Variants in CHRM4 observed in about 807,000 individuals in gnomAD.
CHRM4 encodes cholinergic receptor muscarinic 4, also known as muscarinic acetylcholine receptor M4.
CHRM4 carries 5 observed loss-of-function variants against 26.3 expected under a neutral mutation model. That is an observed-to-expected ratio of 0.19 (90% confidence interval 0.10 to 0.40). The LOEUF (loss-of-function observed/expected upper bound fraction) is 0.40, where lower values mean the gene tolerates loss of function less well. CHRM4 is among the 10% of genes least tolerant of loss of function. The probability of loss-of-function intolerance (pLI) is 1.00; values close to 1 mark genes in which losing one functional copy is unlikely to be tolerated. For missense variants in CHRM4, 402 were observed against 664.5 expected (o/e 0.60, Z 4.34); for synonymous variants, 290 against 285.3 (o/e 1.02, Z -0.16).
chr11:46,387,327 G>A (rs1162370590), intron 1 of CHRM4, among the ~76,000 whole-genome samples: 3 of 152,184 alleles, frequency 2.0e-5, no homozygotes. Context: ...GTAGAGACAG[G>A]GTCTTGGTAT....
chr11:46,384,912 C>T lies in CHRM4; in HGVS notation c.*206G>A. The T allele has an allele frequency of 2.3e-6, 1 of 433,298 alleles. No homozygotes were observed. The highest frequency in any genetic ancestry group is 3.1e-6 in the Non-Finnish European group (1 of 325,268). 26.8% of individuals were successfully genotyped at this position (433,298 alleles called of 1,614,324 possible). Reference sequence around the variant, plus strand: ...GCCACAGAGGTGGGCCAGGCAGCCCCAGTTCAGACACTCCCTGGGGTGAGC... The same window carrying T: ...GCCACAGAGGTGGGCCAGGCAGCCCTAGTTCAGACACTCCCTGGGGTGAGC... On this transcript the variant is annotated 3_prime_UTR_variant, in exon 2 of 2. Coordinates refer to ENST00000682254, the MANE Select transcript of CHRM4 (RefSeq NM_000741.5).
chr11:46,386,987 G>GA lies in CHRM4; in HGVS notation c.-29-402dup, dbSNP rs1273761042. Among the ~76,000 whole-genome samples the GA allele has an allele frequency of 8.4e-5, 12 of 143,668 alleles. No individual in the cohort carries two copies. The highest frequency in any genetic ancestry group is 2.1e-4 in the South Asian group (1 of 4,682). 94.3% of individuals were successfully genotyped at this position (143,668 alleles called of 152,430 possible). On this transcript the variant is annotated intron_variant, in intron 1 of 1. Transcript: ENST00000682254. This position sits in a 1 kb window ranked among gnomAD's most constrained non-coding sequence, Gnocchi z 5.8. ...AGCCAGCCACAGGAGGAGCTGTGGA[G>GA]AGTGGCCCTGCCAGGGGCAGTAGCC...
rs771630567 is a variant in CHRM4 at position 46,384,789 on chromosome 11, C to T, written c.*329G>A. Among the ~76,000 whole-genome samples the T allele has an allele frequency of 4.3e-4, 65 of 152,256 alleles. No individual in the cohort carries two copies. Among genetic ancestry groups the T allele is most frequent in the Admixed American group, 9.8e-4 (15 of 15,288 alleles). On this transcript the variant is annotated 3_prime_UTR_variant, in exon 2 of 2. Coordinates refer to ENST00000682254, the MANE Select transcript of CHRM4 (RefSeq NM_000741.5). ...TTCCTGAGGGGGCCCTGGGCTTCGGCCCCCATCCAGATGTCCATTCTTCCA... is the reference window on the plus strand; with the variant it reads ...TTCCTGAGGGGGCCCTGGGCTTCGGTCCCCATCCAGATGTCCATTCTTCCA...
In CHRM4 at chr11:46,385,877, G is replaced by A. The variant is rs1945334951; in HGVS notation, c.681C>T (p.His227=). The A allele has an allele frequency of 1.2e-6, 2 of 1,610,280 alleles. No homozygotes were observed. Among genetic ancestry groups the A allele is most frequent in the Middle Eastern group, 1.7e-4 (1 of 6,060 alleles). Residue 227 remains histidine, a synonymous_variant, in exon 2 of 2, where the codon CAC becomes CAT. Coordinates refer to ENST00000682254, the MANE Select transcript of CHRM4 (RefSeq NM_000741.5). The surrounding 1 kb of genome is among the most constrained non-coding windows in gnomAD (Gnocchi z 6.3). The part of the protein sequence containing the change: ...HISLASRSRV[H]KHRPEGPKEK... ...CCTTCGGGCCCTCGGGCCGGTGCTT[G>A]TGGACTCGGCTGCGACTGGCCAGGG... is the stretch of plus-strand genomic sequence containing the variant.
At position 46,384,113 on chromosome 11, in the gene CHRM4, C is replaced by T. The variant is rs778379098; in HGVS notation, c.*1005G>A. 2.4e-4 allele frequency among the ~76,000 whole-genome samples: 36 copies of T among 152,224 alleles called. No individual in the cohort carries two copies. The highest frequency in any genetic ancestry group is 4.6e-4 in the Non-Finnish European group (31 of 68,050). On this transcript the variant is annotated 3_prime_UTR_variant, in exon 2 of 2. Coordinates refer to ENST00000682254, the MANE Select transcript of CHRM4 (RefSeq NM_000741.5). Reference sequence around the variant, plus strand: ...AACCACCACACCCATCTCAGCCTCACCCAGTCAAAGGTCTTTTGATACAAC... The same window carrying T: ...AACCACCACACCCATCTCAGCCTCATCCAGTCAAAGGTCTTTTGATACAAC...
At position 46,385,834 on chromosome 11, in the gene CHRM4, G is replaced by A. The variant is rs749143505; in HGVS notation, c.724C>T (p.Leu242=). 10 of 1,602,710 alleles carry A rather than the reference G, an allele frequency of 6.2e-6. No individual in the cohort carries two copies. Among genetic ancestry groups the A allele is most frequent in the African/African-American group, 1.3e-5 (1 of 74,724 alleles). Residue 242 remains leucine (L), a synonymous_variant, in exon 2 of 2, where the codon CTG becomes TTG. Transcript: ENST00000682254. This position sits in a 1 kb window ranked among gnomAD's most constrained non-coding sequence, Gnocchi z 6.3. The part of the protein sequence containing the change: ...EGPKEKKAKT[L]AFLKSPLMKQ... ...ATTAGTGGGCTCTTGAGGAAGGCCA[G>A]CGTCTTGGCTTTCTTCTCCTTCGGG...
At chr11:46,388,416 C>T (rs903110814) in intron 1 of CHRM4, among the ~76,000 whole-genome samples, 2 of 152,352 alleles carry the variant, frequency 1.3e-5, no homozygotes, top group East Asian at 3.9e-4. Context: ...TAAACTTGAT[C>T]TCTATACATA....
chr11:46,388,206 G>A (rs1305865203), intron 1 of CHRM4, among the ~76,000 whole-genome samples: 2 of 152,198 alleles, frequency 1.3e-5, no homozygotes, highest in African/African-American at 4.8e-5. Flanking sequence ...GGTCGGATAC[G>A]CAGTTCTGTG....
At chr11:46,388,255 C>G (rs1200738100) in intron 1 of CHRM4, among the ~76,000 whole-genome samples, 1 of 152,230 alleles carries the variant, frequency 6.6e-6, no homozygotes, top group Non-Finnish European at 1.5e-5. Context: ...CGGCAGCCGG[C>G]TGTGGAGGAA....
chr11:46,384,975 G>A lies in CHRM4; in HGVS notation c.*143C>T. 1 of 1,276,696 alleles carries A rather than the reference G, an allele frequency of 7.8e-7. No homozygotes were observed. Among genetic ancestry groups the A allele is most frequent in the Admixed American group, 2.6e-5 (1 of 37,814 alleles). The allele number at this position is 1,276,696 out of a possible 1,614,324, so 79.1% of individuals were successfully genotyped here. A position where few individuals can be genotyped will look rare whatever the true frequency, so the allele number is the denominator to read the frequency against. Reference sequence around the variant, plus strand: ...AGCAGAGATCTGGTCTCTGAATGCAGCCACAGAGCCTCTTCTGAACTTCCT... The same window carrying A: ...AGCAGAGATCTGGTCTCTGAATGCAACCACAGAGCCTCTTCTGAACTTCCT... On this transcript the variant is annotated 3_prime_UTR_variant, in exon 2 of 2. Transcript: ENST00000682254.
intron 1 of CHRM4, among the ~76,000 whole-genome samples, chr11:46,390,007 G>A (rs1945377610): frequency 6.6e-6 from 1 of 152,216 alleles, no homozygotes; most frequent in Non-Finnish European, 1.5e-5. Context: ...GCGTGCCTAG[G>A]GTGCTGTGGC....
Position 46,383,835 on chromosome 11 carries a change from C to T in CHRM4, c.*1283G>A. The T allele has an allele frequency of 2.6e-6, 1 of 390,704 alleles. No homozygotes were observed. The highest frequency in any genetic ancestry group is 4.9e-6 in the Non-Finnish European group (1 of 202,750). 24.2% of individuals were successfully genotyped at this position (390,704 alleles called of 1,614,324 possible). A position where few individuals can be genotyped will look rare whatever the true frequency, so the allele number is the denominator to read the frequency against. On this transcript the variant is annotated 3_prime_UTR_variant, in exon 2 of 2. Transcript: ENST00000682254. ...CTTCTTTTTTAATATATAAAAGCCC[C>T]TTCCCAAGGAGTTTGCTGTGGAAAT... is the stretch of plus-strand genomic sequence containing the variant.
chr11:46,386,681 T>C lies in CHRM4; in HGVS notation c.-29-95A>G. The C allele has an allele frequency of 8.1e-7, 1 of 1,230,224 alleles. No individual in the cohort carries two copies. The highest frequency in any genetic ancestry group is 1.1e-6 in the Non-Finnish European group (1 of 884,842). The allele number at this position is 1,230,224 out of a possible 1,614,324, so 76.2% of individuals were successfully genotyped here. A position where few individuals can be genotyped will look rare whatever the true frequency, so the allele number is the denominator to read the frequency against. ...GATTCAAGGTGACAGAGGGACATTC[T>C]CTGGCAGAATGCCTTGAGAGAACTC... On this transcript the variant is annotated intron_variant, in intron 1 of 1. Coordinates refer to ENST00000682254, the MANE Select transcript of CHRM4 (RefSeq NM_000741.5). This position sits in a 1 kb window ranked among gnomAD's most constrained non-coding sequence, Gnocchi z 5.8.
In CHRM4 at chr11:46,386,021, C is replaced by T. The variant is rs202091776; in HGVS notation, c.537G>A (p.Thr179=). ...GGATGAAGCACTGGTTGTCGGGCAC[C>T]GTCCGCTTACCCACCACAAACTGCC... ...LFWQFVVGKR[T]VPDNQCFIQF... The change falls in exon 2 of 2, where the codon ACG becomes ACA. Residue 179 remains threonine (T), a synonymous_variant. Coordinates refer to ENST00000682254, the MANE Select transcript of CHRM4 (RefSeq NM_000741.5). The surrounding 1 kb of genome is among the most constrained non-coding windows in gnomAD (Gnocchi z 5.8). The T allele has an allele frequency of 2.7e-5, 44 of 1,613,134 alleles. No homozygotes were observed. In the East Asian group the frequency reaches 6.0e-4, roughly 22 times the overall value.
Position 46,385,760 on chromosome 11 carries a change from C to T in CHRM4, c.798G>A (p.Glu266=). Residue 266 remains glutamate, a synonymous_variant, in exon 2 of 2, where the codon GAG becomes GAA. Coordinates refer to ENST00000682254, the MANE Select transcript of CHRM4 (RefSeq NM_000741.5). This position sits in a 1 kb window ranked among gnomAD's most constrained non-coding sequence, Gnocchi z 6.3. The part of the protein sequence containing the change: ...KPPPGEAARE[E]LRNGKLEEAP... ...CCTCCTCCAGCTTGCCATTGCGCAG[C>T]TCCTCCCGGGCGGCCTCCCCGGGCG... The T allele has an allele frequency of 6.3e-7, 1 of 1,597,376 alleles. No homozygotes were observed. The highest frequency in any genetic ancestry group is 8.5e-7 in the Non-Finnish European group (1 of 1,171,570).
intron 1 of CHRM4, among the ~76,000 whole-genome samples, chr11:46,390,557 C>T (rs1040839112): frequency 6.6e-6 from 1 of 152,262 alleles, no homozygotes; most frequent in Non-Finnish European, 1.5e-5. Context: ...TCCTTCTCTC[C>T]TCACCCTGCA....
chr11:46,385,499 A>G lies in CHRM4; in HGVS notation c.1059T>C (p.Cys353=). ...QIVTKQTGNE[C]VTAIEIVPAT... is the part of the protein sequence containing the mutation. ...CAGGCACAATCTCAATGGCTGTCACACACTCATTGCCTGTCTGCTTCGTCA... is the reference window on the plus strand; with the variant it reads ...CAGGCACAATCTCAATGGCTGTCACGCACTCATTGCCTGTCTGCTTCGTCA... The change falls in exon 2 of 2, where the codon TGT becomes TGC. Residue 353 remains cysteine (C), a synonymous_variant. Coordinates refer to ENST00000682254, the MANE Select transcript of CHRM4 (RefSeq NM_000741.5). The surrounding 1 kb of genome is among the most constrained non-coding windows in gnomAD (Gnocchi z 6.3). The G allele has an allele frequency of 6.3e-7, 1 of 1,594,540 alleles. No homozygotes were observed. The highest frequency in any genetic ancestry group is 8.6e-7 in the Non-Finnish European group (1 of 1,164,864).
intron 1 of CHRM4, among the ~76,000 whole-genome samples, chr11:46,389,375 G>T (rs1945371755): frequency 1.3e-5 from 2 of 152,248 alleles, no homozygotes; most frequent in African/African-American, 2.4e-5. Flanking sequence ...CTTGGCCCGC[G>T]TGAGGGAGCT....
chr11:46,390,993 T>A (rs1245374886), intron 1 of CHRM4, among the ~76,000 whole-genome samples: 1 of 152,060 alleles, frequency 6.6e-6, no homozygotes, highest in African/African-American at 2.4e-5. Context: ...GGCACCGACA[T>A]TGTGCCCAAC....
Sources: allele counts gnomAD v4.1 joint callset (sites outside exome capture counted in the v4.1 genomes callset), GRCh38; gene constraint gnomAD v4.1.1; non-coding constraint Gnocchi (gnomAD v3.1); transcripts MANE v1.5; gene names NCBI Gene and HGNC (gene_info 2026-07-23, HGNC 2026-07-21).